Variants in CNTN1 observed in about 807,000 individuals in gnomAD.
CNTN1 encodes the protein contactin-1.
A neutral mutation model predicts 126.4 loss-of-function variants in CNTN1; 38 were observed. The observed-to-expected ratio is 0.30, with a 90% confidence interval of 0.23 to 0.39. The LOEUF (loss-of-function observed/expected upper bound fraction) is 0.39. CNTN1 is among the 10% of genes least tolerant of loss of function. The probability of loss-of-function intolerance (pLI) is 1.00; values close to 1 mark genes in which losing one functional copy is unlikely to be tolerated. For missense variants in CNTN1, 1,009 were observed against 1,248.4 expected, an observed-to-expected ratio of 0.81 and a Z score of 2.89; for synonymous variants, 413 against 422.6, an observed-to-expected ratio of 0.98 and a Z score of 0.28.
rs143629277 is a variant in CNTN1, at chr12:40,846,888, G to A, written c.-76-61469G>A. ...TTTTATTATTTTTATTTTTTTCTGA[G>A]ATGGAGTCTCACTCTGTCGCCCAGG... On this transcript the variant is annotated intron_variant, in intron 1 of 23. Transcript: ENST00000551295. Among the ~76,000 whole-genome samples, 359 of 151,944 alleles carry A rather than the reference G, an allele frequency of 2.4e-3. 2 individuals are homozygous for A. The highest frequency in any genetic ancestry group is 8.4e-3 in the African/African-American group (347 of 41,416).
intron 23 of CNTN1, among the ~76,000 whole-genome samples, chr12:41,046,065 G>A (rs1257821670): frequency 6.6e-6 from 1 of 152,102 alleles, no homozygotes; most frequent in Non-Finnish European, 1.5e-5. Flanking sequence ...AGATGCCTTA[G>A]AATTCTGATG....
chr12:41,055,520 C>G (rs139214808), intron 23 of CNTN1, among the ~76,000 whole-genome samples: 3 of 152,062 alleles, frequency 2.0e-5, no homozygotes, highest in Non-Finnish European at 4.4e-5. Context: ...TTTACCACAC[C>G]GTACTACAGT....
At chr12:40,871,422 A>T (rs2136670982) in intron 1 of CNTN1, among the ~76,000 whole-genome samples, 1 of 152,242 alleles carries the variant, frequency 6.6e-6, no homozygotes, top group African/African-American at 2.4e-5. Flanking sequence ...AGAGTAGACT[A>T]CAGGGAGGTC....
intron 1 of CNTN1, among the ~76,000 whole-genome samples, chr12:40,755,190 C>CAAAAAAAAAAAAAAAAAAAA (rs557970110): frequency 2.6e-5 from 2 of 78,200 alleles, no homozygotes; most frequent in Non-Finnish European, 2.3e-5. Flanking sequence ...GACCCCACCT[C>CAAAAAAAAAAAAAAAAAAAA]AAAAAAAAAA....
chr12:40,739,784 T>A (rs1475052171), intron 1 of CNTN1, among the ~76,000 whole-genome samples: 1 of 151,934 alleles, frequency 6.6e-6, no homozygotes, highest in Non-Finnish European at 1.5e-5. Flanking sequence ...TTAAGGAAAA[T>A]ACAAGGAAAG....
chr12:40,977,881 C>T (rs1172464128), intron 15 of CNTN1, among the ~76,000 whole-genome samples: 2 of 152,034 alleles, frequency 1.3e-5, no homozygotes, highest in African/African-American at 2.4e-5. Flanking sequence ...TGGCTCGCTG[C>T]AACCTCTGCC....
chr12:40,877,715 T>A (rs1943716739), intron 1 of CNTN1, among the ~76,000 whole-genome samples: 1 of 152,196 alleles, frequency 6.6e-6, no homozygotes. Context: ...TTTAAAATAT[T>A]CCAAAATGCT....
At chr12:41,060,913 T>C (rs1949925976) in intron 23 of CNTN1, among the ~76,000 whole-genome samples, 1 of 152,210 alleles carries the variant, frequency 6.6e-6, no homozygotes, top group Non-Finnish European at 1.5e-5. Flanking sequence ...ATGAACTACA[T>C]TTAATATTGC....
chr12:40,953,279 A>G (rs1376144396), intron 14 of CNTN1, among the ~76,000 whole-genome samples: 1 of 152,158 alleles, frequency 6.6e-6, no homozygotes, highest in Non-Finnish European at 1.5e-5. Context: ...ATCTGAAGGG[A>G]GGAATTTTGT....
intron 1 of CNTN1, among the ~76,000 whole-genome samples, chr12:40,718,250 C>T (rs1942098436): frequency 1.3e-5 from 2 of 152,172 alleles, no homozygotes; most frequent in Non-Finnish European, 2.9e-5. Flanking sequence ...CTCACTGCAA[C>T]CTCCACCTCC....
intron 1 of CNTN1, among the ~76,000 whole-genome samples, chr12:40,871,582 T>C (rs1943496584): frequency 6.6e-6 from 1 of 152,186 alleles, no homozygotes; most frequent in African/African-American, 2.4e-5. Flanking sequence ...GTTTTGTGCT[T>C]GATCAACTGA....
intron 1 of CNTN1, among the ~76,000 whole-genome samples, chr12:40,837,860 A>T (rs1279078451): frequency 6.6e-6 from 1 of 152,144 alleles, no homozygotes; most frequent in Non-Finnish European, 1.5e-5. Context: ...ACACTCCTGT[A>T]GCCAGGGCTA....
intron 1 of CNTN1, among the ~76,000 whole-genome samples, chr12:40,787,304 AT>A (rs1187494401): frequency 1.3e-5 from 2 of 152,150 alleles, no homozygotes; most frequent in East Asian, 3.9e-4. Flanking sequence ...TCAATCAACA[AT>A]AATTTGTTTA....
At chr12:40,964,192 T>C (rs936399126) in intron 15 of CNTN1, among the ~76,000 whole-genome samples, 2 of 152,174 alleles carry the variant, frequency 1.3e-5, no homozygotes, top group Non-Finnish European at 2.9e-5. Flanking sequence ...ATTAAGATTA[T>C]ATCTTATATA....
chr12:40,972,879 T>C (rs1389910637), intron 15 of CNTN1, among the ~76,000 whole-genome samples: 4 of 152,132 alleles, frequency 2.6e-5, no homozygotes, highest in African/African-American at 9.6e-5. Flanking sequence ...TATTTTATTT[T>C]ATTATTACAC....
intron 1 of CNTN1, among the ~76,000 whole-genome samples, chr12:40,709,440 A>C (rs1279837214): frequency 6.6e-6 from 1 of 152,220 alleles, no homozygotes; most frequent in Non-Finnish European, 1.5e-5. Context: ...TCAGAATGCT[A>C]AATGAGTATT....
rs1262720185 is a variant in CNTN1, at chr12:40,720,990, C to T, written c.-77+28398C>T. Among the ~76,000 whole-genome samples the T allele has an allele frequency of 5.5e-5, 8 of 145,306 alleles. No homozygotes were observed. In the East Asian group the frequency reaches 1.6e-3, roughly 28 times the overall value. ...GTGTATATATGTTATAACATATATACACATATATTTATACATATATGTAGT... is the reference window on the plus strand; with the variant it reads ...GTGTATATATGTTATAACATATATATACATATATTTATACATATATGTAGT... On this transcript the variant is annotated intron_variant, in intron 1 of 23. Transcript: ENST00000551295.
Position 40,738,858 on chromosome 12 carries a change from T to C in CNTN1, c.-77+46266T>C, listed in dbSNP as rs1055753740. The stretch of plus-strand genomic sequence containing the variant: ...AGTTGTACCTGTAGTCGATGGGATT[T>C]TGAACTAGTAAAAGCACTCTGGAGC... On this transcript the variant is annotated intron_variant, in intron 1 of 23. Coordinates refer to ENST00000551295, the MANE Select transcript of CNTN1 (RefSeq NM_001843.4). Among the ~76,000 whole-genome samples the C allele has an allele frequency of 2.6e-5, 4 of 152,190 alleles. No homozygotes were observed. In the East Asian group the frequency reaches 5.8e-4, roughly 22 times the overall value.
rs1038148144 is a variant in CNTN1, at chr12:41,014,192, G to C, written c.2114-36G>C. On this transcript the variant is annotated intron_variant, in intron 17 of 23. Coordinates refer to ENST00000551295, the MANE Select transcript of CNTN1 (RefSeq NM_001843.4). ...GGAAAAAAATGCAGGCCCTCTTTTT[G>C]TTGTTGTTTTGCATATATTTGTTTG... is the stretch of plus-strand genomic sequence containing the variant. The C allele has an allele frequency of 3.7e-6, 6 of 1,604,468 alleles. No homozygotes were observed. The African/African-American group carries it at 4.0e-5, about 11-fold the overall frequency.
Sources: allele counts gnomAD v4.1 joint callset (sites outside exome capture counted in the v4.1 genomes callset), GRCh38; gene constraint gnomAD v4.1.1; transcripts MANE v1.5; gene names NCBI Gene and HGNC (gene_info 2026-07-23, HGNC 2026-07-21).